Variants in DNAH12 observed in about 807,000 individuals in gnomAD.
DNAH12 encodes axonemal beta dynein heavy chain 12.
Under a neutral mutation model 371.5 loss-of-function variants are expected in DNAH12, and 285 were observed. The observed-to-expected ratio is 0.77, with a 90% CI of 0.70 to 0.85. DNAH12 has a LOEUF of 0.85. Ranked by LOEUF, DNAH12 falls within the 40% of genes least tolerant of loss-of-function variation. The pLI is 0.00. For synonymous variants in DNAH12, 1,200 were observed against 1,213.0 expected (o/e 0.99, Z 0.22); for missense variants, 3,611 against 3,689.4 (o/e 0.98, Z 0.55).
intron 65 of DNAH12, among the ~76,000 whole-genome samples, chr3:57,316,813 C>T (rs1462611169): frequency 6.6e-6 from 1 of 152,164 alleles, no homozygotes; most frequent in Admixed American, 6.5e-5. Context: ...GTGCTTGCTT[C>T]CCCCTCACCT....
intron 60 of DNAH12, among the ~76,000 whole-genome samples, chr3:57,344,485 C>T (rs942622499): frequency 6.6e-6 from 1 of 152,152 alleles, no homozygotes; most frequent in Non-Finnish European, 1.5e-5. Flanking sequence ...GAGATGTCTG[C>T]ACCCTGATTT....
At chr3:57,327,542 T>G (rs1369619086) in intron 62 of DNAH12, among the ~76,000 whole-genome samples, 2 of 152,042 alleles carry the variant, frequency 1.3e-5, no homozygotes, top group African/African-American at 4.8e-5. Flanking sequence ...CCAGAATCTC[T>G]GGGACACATT....
intron 55 of DNAH12, among the ~76,000 whole-genome samples, chr3:57,368,988 C>T (rs2063109377): frequency 6.6e-6 from 1 of 151,892 alleles, no homozygotes; most frequent in Admixed American, 6.6e-5. Flanking sequence ...GGGCAGATCA[C>T]CCGATGTCAG....
chr3:57,428,854 T>C (rs2064865545), intron 33 of DNAH12, 33 bp from the exon 34 acceptor site: 2 of 1,488,116 alleles, frequency 1.3e-6, no homozygotes, highest in Non-Finnish European at 1.8e-6. Flanking sequence ...TGCACTGTTG[T>C]TTTTATACCA....
At chr3:57,421,424 G>A in intron 36 of DNAH12, 94 bp downstream of exon 36, 1 of 1,280,650 alleles carries the variant, frequency 7.8e-7, no homozygotes, top group Non-Finnish European at 1.1e-6. Flanking sequence ...CACCGCAGGA[G>A]TCAAAATAAC....
rs576059148 is a variant in DNAH12, at chr3:57,452,992, G to A, written c.3637C>T (p.Leu1213=). 4 of 1,549,144 alleles carry A rather than the reference G, an allele frequency of 2.6e-6. No individual in the cohort carries two copies. The part of the protein sequence containing the change: ...KMGVSHDTDF[L]WLAQLRYYWE... ...TAATATCGGAGCTGAGCAAGCCACA[G>A]GAAATCTGTATCATGTGAGACACCT... Residue 1213 remains leucine, a synonymous_variant, in exon 25 of 74, where the codon CTG becomes TTG. Coordinates refer to ENST00000495027, the MANE Select transcript of DNAH12 (RefSeq NM_001366028.2).
chr3:57,418,244 G>A (rs1251624952), intron 37 of DNAH12, among the ~76,000 whole-genome samples: 1 of 151,146 alleles, frequency 6.6e-6, no homozygotes, highest in African/African-American at 2.4e-5. Context: ...TCTGACAAAT[G>A]GTTCTTGGCA....
chr3:57,523,818 A>G lies in DNAH12; in HGVS notation c.237T>C (p.Pro79=), dbSNP rs1479999842. 6.2e-7 allele frequency: 1 copy of G among 1,601,820 alleles called. No homozygotes were observed. Among genetic ancestry groups the G allele is most frequent in the Admixed American group, 1.7e-5 (1 of 57,220 alleles). Residue 79 remains proline (P), a synonymous_variant, in exon 3 of 74, where the codon CCT becomes CCC. Coordinates refer to ENST00000495027, the MANE Select transcript of DNAH12 (RefSeq NM_001366028.2). ...ATAAACTTACAGTTTGAGGATAATC[A>G]GGTGGTGGTAATAGAGGTGTTCTTT... ...LGKRTPLLPP[P]DYPQTMTSEM... is the part of the protein sequence containing the mutation.
chr3:57,499,647 A>AATATATATATATATATATATATAT (rs1176721728), intron 11 of DNAH12, among the ~76,000 whole-genome samples: 2 of 17,950 alleles, frequency 1.1e-4, no homozygotes, highest in African/African-American at 2.1e-4. Flanking sequence ...AAAAAAAAAA[A>AATATATATATATATATATATATAT]ATATATATAT....
intron 41 of DNAH12, 136 bp from the exon 42 acceptor site, chr3:57,405,283 AAATT>A (rs1482063603): frequency 5.7e-6 from 4 of 703,534 alleles, no homozygotes; most frequent in Non-Finnish European, 4.5e-6. Context: ...TGCACTTATA[AAATT>A]AATACCTGAA....
intron 11 of DNAH12, chr3:57,498,191 A>T: frequency 3.5e-6 from 1 of 282,760 alleles, no homozygotes; most frequent in East Asian, 6.5e-5. Context: ...AGTGGGAAAA[A>T]ATAAAACAAT....
At position 57,322,994 on chromosome 3, in the gene DNAH12, G is replaced by A; in HGVS notation, c.10383+13C>T. The stretch of plus-strand genomic sequence containing the variant: ...AAGTAAATGTACTTAACTCTATAAG[G>A]AAATAAACATACTTTTGAAGATGGA... On this transcript the variant is annotated intron_variant, in intron 64 of 73. Coordinates refer to ENST00000495027, the MANE Select transcript of DNAH12 (RefSeq NM_001366028.2). 1.3e-6 allele frequency: 2 copies of A among 1,551,182 alleles called. No homozygotes were observed. The highest frequency in any genetic ancestry group is 1.7e-4 in the Middle Eastern group (1 of 5,992).
In DNAH12 at chr3:57,332,499, C is replaced by T. The variant is rs1462665332; in HGVS notation, c.9978+1966G>A. On this transcript the variant is annotated intron_variant, in intron 62 of 73. Coordinates refer to ENST00000495027, the MANE Select transcript of DNAH12 (RefSeq NM_001366028.2). Reference sequence around the variant, plus strand: ...ACTGTGATCACTGAGAAAAAGAAAACAAACTGAACGCTATTCTCTCAGCTT... The same window carrying T: ...ACTGTGATCACTGAGAAAAAGAAAATAAACTGAACGCTATTCTCTCAGCTT... Among the ~76,000 whole-genome samples, 6 of 152,276 alleles carry T rather than the reference C, an allele frequency of 3.9e-5. No individual in the cohort carries two copies. In the South Asian group the frequency reaches 1.0e-3, roughly 26 times the overall value.
chr3:57,457,249 C>T (rs1025390825), intron 22 of DNAH12, among the ~76,000 whole-genome samples: 15 of 152,120 alleles, frequency 9.9e-5, no homozygotes, highest in South Asian at 4.1e-4. Context: ...TCCTAACTGC[C>T]TTCCTTTCCA....
At chr3:57,348,265 A>G (rs1473599380) in intron 60 of DNAH12, among the ~76,000 whole-genome samples, 1 of 152,210 alleles carries the variant, frequency 6.6e-6, no homozygotes, top group Non-Finnish European at 1.5e-5. Flanking sequence ...AAAGGCATAC[A>G]TAGCGCATAA....
chr3:57,367,427 A>C (rs955742148), intron 56 of DNAH12, among the ~76,000 whole-genome samples: 57 of 152,318 alleles, frequency 3.7e-4, no homozygotes, highest in African/African-American at 1.3e-3. Context: ...TTAATATAGG[A>C]CATTTTCTCT....
At chr3:57,334,664 A>G in intron 61 of DNAH12, 55 bp from the exon 62 acceptor site, 1 of 1,513,500 alleles carries the variant, frequency 6.6e-7, no homozygotes, top group East Asian at 2.5e-5. Context: ...CTTAAAAGAG[A>G]TTGTTGAACA....
At chr3:57,483,782 CA>C (rs369010253) in intron 12 of DNAH12, among the ~76,000 whole-genome samples, 154 of 136,392 alleles carry the variant, frequency 1.1e-3, no homozygotes, top group African/African-American at 1.1e-3. Context: ...CCTGTCTCTA[CA>C]AAAAAAAAAA....
rs551857581 is a variant in DNAH12, at chr3:57,403,112, C to A, written c.6948+197G>T. Reference sequence around the variant, plus strand: ...CATTGCTGTGCCTATAGAATGAGATCATGTAGGTAAAAGCGGTAAAAGCTA... The same window carrying A: ...CATTGCTGTGCCTATAGAATGAGATAATGTAGGTAAAAGCGGTAAAAGCTA... On this transcript the variant is annotated intron_variant, in intron 43 of 73. Transcript: ENST00000495027. Among the ~76,000 whole-genome samples, 3 of 152,186 alleles carry A rather than the reference C, an allele frequency of 2.0e-5. No individual in the cohort carries two copies. The South Asian group carries it at 6.2e-4, about 32-fold the overall frequency.
Sources: gnomAD v4.1 joint callset for allele counts (sites outside exome capture counted in the v4.1 genomes callset) on GRCh38, gnomAD v4.1.1 for gene constraint, MANE v1.5 for transcripts, NCBI Gene and HGNC (gene_info 2026-07-23, HGNC 2026-07-21) for gene names.